SGK3: variants seen among roughly 807,000 people sequenced by gnomAD.
SGK3 encodes serine/threonine-protein kinase Sgk3.
SGK3 carries 47 observed loss-of-function variants against 68.5 expected under a neutral mutation model. The observed-to-expected ratio is 0.69, with a 90% CI of 0.54 to 0.87. SGK3 has a LOEUF of 0.87. Among genes scored for constraint, SGK3 ranks in the 40% least tolerant of loss-of-function variants. The pLI, the probability that SGK3 is intolerant of heterozygous loss-of-function variation, is 0.00. For synonymous variants in SGK3, 181 were observed against 189.1 expected (o/e 0.96, Z 0.35); for missense variants, 479 against 575.5 (o/e 0.83, Z 1.72).
chr8:66,786,264 G>T (rs927705417), intron 1 of SGK3, among the ~76,000 whole-genome samples: 5 of 152,162 alleles, frequency 3.3e-5, no homozygotes, highest in African/African-American at 1.2e-4. Flanking sequence ...ATGTACATGT[G>T]GTGGAGGCAG....
rs750124582 is a variant in SGK3 at position 66,767,841 on chromosome 8, G to A, written c.-121-25775G>A. On this transcript the variant is annotated intron_variant, in intron 1 of 16. Transcript: ENST00000521198. ...AAGCCTTTCTGGTAGCTTTAGGTAA[G>A]GATGTGGGAGCATCGAATGTTTTGC... 4 of 1,439,858 alleles carry A rather than the reference G, an allele frequency of 2.8e-6. No individual in the cohort carries two copies. In the East Asian group the frequency reaches 9.1e-5, roughly 33 times the overall value. The allele number at this position is 1,439,858 out of a possible 1,614,324, so 89.2% of individuals were successfully genotyped here. A position where few individuals can be genotyped will look rare whatever the true frequency, so the allele number is the denominator to read the frequency against.
At chr8:66,756,569 CTTTTTTTTTTTTT>C (rs34499404) in intron 1 of SGK3, among the ~76,000 whole-genome samples, 6 of 77,914 alleles carry the variant, frequency 7.7e-5, no homozygotes, top group Admixed American at 4.4e-4. Context: ...CATGCATCTA[CTTTTTTTTTTTTT>C]TTTTTTTTTT....
chr8:66,828,613 G>C (rs1809164240), intron 6 of SGK3, 41 bp from the exon 7 acceptor site: 1 of 1,611,046 alleles, frequency 6.2e-7, no homozygotes. Flanking sequence ...AATTTTTGAA[G>C]CTCCAATAAG....
chr8:66,734,326 C>A (rs1805256409), intron 1 of SGK3, among the ~76,000 whole-genome samples: 1 of 147,394 alleles, frequency 6.8e-6, no homozygotes, highest in South Asian at 2.1e-4. Flanking sequence ...TTAAAGGAAG[C>A]CAGTGCTTGG....
chr8:66,774,450 C>T (rs1806616643), intron 1 of SGK3, among the ~76,000 whole-genome samples: 1 of 152,060 alleles, frequency 6.6e-6, no homozygotes, highest in Non-Finnish European at 1.5e-5. Context: ...GGAACTGCGC[C>T]CTACTCGGTT....
intron 10 of SGK3, among the ~76,000 whole-genome samples, chr8:66,837,215 C>T: frequency 6.6e-6 from 1 of 152,128 alleles, no homozygotes; most frequent in Non-Finnish European, 1.5e-5. Flanking sequence ...CCTCTCAACC[C>T]TCACACCTTT....
intron 1 of SGK3, chr8:66,767,867 C>G (rs1806372062): frequency 2.2e-6 from 3 of 1,359,178 alleles, no homozygotes; most frequent in Non-Finnish European, 3.2e-6. Flanking sequence ...AATGTTTTGC[C>G]AAAACATGAT....
chr8:66,813,680 A>G (rs960768422), intron 4 of SGK3, among the ~76,000 whole-genome samples, 173 bp from the exon 5 acceptor site: 6 of 149,758 alleles, frequency 4.0e-5, no homozygotes, highest in Non-Finnish European at 7.4e-5. Flanking sequence ...TATAAATACA[A>G]TGATTCATAT....
At chr8:66,784,451 G>C (rs1222259182) in intron 1 of SGK3, among the ~76,000 whole-genome samples, 1 of 152,110 alleles carries the variant, frequency 6.6e-6, no homozygotes, top group Non-Finnish European at 1.5e-5. Flanking sequence ...TGATACTTAT[G>C]AGTGTATCTA....
At chr8:66,859,290 G>A (rs936822352) in intron 16 of SGK3, 121 bp from the exon 17 acceptor site, 26 of 1,228,140 alleles carry the variant, frequency 2.1e-5, no homozygotes, top group Middle Eastern at 3.1e-4. Context: ...CCAAGATCGC[G>A]CCACTGGCAT....
intron 1 of SGK3, chr8:66,737,655 G>C (rs1032643387): frequency 1.5e-5 from 2 of 134,244 alleles, no homozygotes; most frequent in African/African-American, 5.7e-5. Flanking sequence ...TCGCTCTGTT[G>C]CCCAGGCTGG....
intron 3 of SGK3, among the ~76,000 whole-genome samples, chr8:66,801,237 T>C (rs918475046): frequency 1.3e-5 from 2 of 152,252 alleles, no homozygotes; most frequent in East Asian, 1.9e-4. Context: ...CCAGTGAGCA[T>C]TTCCTTTGAG....
At chr8:66,790,043 A>G (rs1807373761) in intron 1 of SGK3, among the ~76,000 whole-genome samples, 1 of 152,144 alleles carries the variant, frequency 6.6e-6, no homozygotes, top group South Asian at 2.1e-4. Context: ...GCGCCACTGC[A>G]CTGCAGCCTA....
intron 1 of SGK3, among the ~76,000 whole-genome samples, chr8:66,786,254 A>G (rs1807193668): frequency 6.6e-6 from 1 of 152,236 alleles, no homozygotes. Context: ...TCTGTAAAGC[A>G]TGTACATGTG....
At chr8:66,763,165 AG>A (rs1243117865) in intron 1 of SGK3, among the ~76,000 whole-genome samples, 2 of 152,250 alleles carry the variant, frequency 1.3e-5, no homozygotes, top group Admixed American at 6.5e-5. Flanking sequence ...TTATATTGGA[AG>A]GCAGGATATA....
At chr8:66,812,624 A>G (rs1008443275) in intron 4 of SGK3, among the ~76,000 whole-genome samples, 1 of 152,108 alleles carries the variant, frequency 6.6e-6, no homozygotes, top group Non-Finnish European at 1.5e-5. Flanking sequence ...AATAATAACA[A>G]CAACAACAAA....
At chr8:66,829,311 T>G (rs147206212) in intron 7 of SGK3, among the ~76,000 whole-genome samples, 2,078 of 151,998 alleles carry the variant, frequency 0.014, 21 homozygotes, top group Non-Finnish European at 0.02. Context: ...ACATTTACTC[T>G]GAAGTGTTTT....
chr8:66,761,185 A>G (rs1016028072), intron 1 of SGK3, among the ~76,000 whole-genome samples: 3 of 152,136 alleles, frequency 2.0e-5, no homozygotes, highest in African/African-American at 4.8e-5. Context: ...AGCTCACTAT[A>G]ACTTCAAACT....
intron 1 of SGK3, chr8:66,767,544 C>T: frequency 6.6e-7 from 1 of 1,505,262 alleles, no homozygotes; most frequent in South Asian, 1.1e-5. Context: ...GCTTTTCAAG[C>T]TCTCTCTCCT....
Sources: allele counts gnomAD v4.1 joint callset (sites outside exome capture counted in the v4.1 genomes callset), GRCh38; gene constraint gnomAD v4.1.1; transcripts MANE v1.5; gene names NCBI Gene and HGNC (gene_info 2026-07-23, HGNC 2026-07-21).